ARHGAP24: variants seen among roughly 807,000 people sequenced by gnomAD.
The protein encoded by ARHGAP24 is Rho GTPase activating protein 24.
Under a neutral mutation model 76.4 loss-of-function variants are expected in ARHGAP24, and 50 were observed. The ratio of observed to expected loss-of-function variants is 0.65; its 90% CI spans 0.52 to 0.83. The LOEUF (loss-of-function observed/expected upper bound fraction) is 0.83, where lower values mean the gene tolerates loss of function less well. Ranked by LOEUF, ARHGAP24 falls within the 40% of genes least tolerant of loss-of-function variation. The pLI is 0.00. For synonymous variants in ARHGAP24, 345 were observed against 323.3 expected, an observed-to-expected ratio of 1.07 and a Z score of -0.72; for missense variants, 930 against 914.2, an observed-to-expected ratio of 1.02 and a Z score of -0.22.
intron 3 of ARHGAP24, among the ~76,000 whole-genome samples, chr4:85,894,096 TAATA>T (rs1450088422): frequency 1.4e-3 from 78 of 54,126 alleles, no homozygotes; most frequent in African/African-American, 3.6e-3. Flanking sequence ...ACTTAGAGTA[TAATA>T]AAAAAAAAAA....
intron 9 of ARHGAP24, among the ~76,000 whole-genome samples, chr4:85,996,650 G>A (rs892355113): frequency 6.6e-6 from 1 of 152,084 alleles, no homozygotes; most frequent in Non-Finnish European, 1.5e-5. Flanking sequence ...TTACTTCCTT[G>A]GAAAGTATTT....
intron 8 of ARHGAP24, among the ~76,000 whole-genome samples, chr4:85,979,696 T>C (rs995877171): frequency 6.6e-6 from 1 of 152,186 alleles, no homozygotes; most frequent in Non-Finnish European, 1.5e-5. Context: ...CATCTACTGC[T>C]TAGGAACCCA....
intron 2 of ARHGAP24, among the ~76,000 whole-genome samples, chr4:85,617,953 T>C (rs1578081444): frequency 2.0e-5 from 3 of 152,228 alleles, no homozygotes; most frequent in African/African-American, 7.2e-5. Flanking sequence ...ATCAAGCTAA[T>C]TAATACATCC....
chr4:85,904,697 A>C (rs1734680045), intron 3 of ARHGAP24, among the ~76,000 whole-genome samples: 1 of 152,254 alleles, frequency 6.6e-6, no homozygotes, highest in South Asian at 2.1e-4. Context: ...CAGAAATGAA[A>C]TACCAAGGAT....
chr4:85,827,961 G>A, intron 3 of ARHGAP24: 3 of 1,289,770 alleles, frequency 2.3e-6, no homozygotes, highest in Non-Finnish European at 2.0e-6. Flanking sequence ...CCACTGAAGT[G>A]TATGTTTGTG....
chr4:85,478,574 G>A (rs1722691764), intron 1 of ARHGAP24, among the ~76,000 whole-genome samples: 1 of 152,240 alleles, frequency 6.6e-6, no homozygotes, highest in Admixed American at 6.5e-5. Flanking sequence ...AGATCTAACT[G>A]TGTAAGTCTC....
chr4:85,488,063 C>T (rs1372456652), intron 1 of ARHGAP24, among the ~76,000 whole-genome samples: 5 of 150,556 alleles, frequency 3.3e-5, no homozygotes, highest in South Asian at 4.2e-4. Flanking sequence ...CCGGCCACCA[C>T]GCCCGGCTAA....
chr4:85,858,601 G>A (rs1240516852), intron 3 of ARHGAP24, among the ~76,000 whole-genome samples: 1 of 152,120 alleles, frequency 6.6e-6, no homozygotes, highest in African/African-American at 2.4e-5. Flanking sequence ...ACATTATCTG[G>A]TATGTTATGG....
At chr4:85,561,980 T>G (rs1301058245) in intron 1 of ARHGAP24, among the ~76,000 whole-genome samples, 1 of 152,174 alleles carries the variant, frequency 6.6e-6, no homozygotes, top group African/African-American at 2.4e-5. Context: ...GCATCTATAA[T>G]AAGGCAACAT....
intron 3 of ARHGAP24, among the ~76,000 whole-genome samples, chr4:85,775,454 G>C (rs1727278149): frequency 6.6e-6 from 1 of 152,170 alleles, no homozygotes; most frequent in African/African-American, 2.4e-5. Flanking sequence ...GAAGGTTAAA[G>C]GCACATCTTA....
intron 2 of ARHGAP24, among the ~76,000 whole-genome samples, chr4:85,675,076 G>A (rs1722931522): frequency 6.6e-6 from 1 of 152,158 alleles, no homozygotes; most frequent in Non-Finnish European, 1.5e-5. Context: ...TATAGGAGAG[G>A]ACACCTCTGG....
intron 3 of ARHGAP24, among the ~76,000 whole-genome samples, chr4:85,788,214 C>T (rs1330038330): frequency 1.3e-5 from 2 of 152,176 alleles, no homozygotes; most frequent in Admixed American, 6.5e-5. Context: ...ATGTAACTCT[C>T]TCTGTTCCTG....
intron 2 of ARHGAP24, among the ~76,000 whole-genome samples, chr4:85,612,119 C>CACACACACACACAG: frequency 7.2e-6 from 1 of 138,108 alleles, no homozygotes; most frequent in South Asian, 2.3e-4. Flanking sequence ...CACACACACA[C>CACACACACACACAG]ACAGACCAGT....
intron 2 of ARHGAP24, among the ~76,000 whole-genome samples, chr4:85,613,562 T>C (rs1296834159): frequency 6.6e-6 from 1 of 152,222 alleles, no homozygotes; most frequent in Non-Finnish European, 1.5e-5. Flanking sequence ...CCAACATTTC[T>C]GGGATCGCCA....
intron 5 of ARHGAP24, among the ~76,000 whole-genome samples, chr4:85,971,556 A>G (rs1560755214): frequency 6.6e-6 from 1 of 152,154 alleles, no homozygotes; most frequent in Non-Finnish European, 1.5e-5. Context: ...ACAGTCTGTA[A>G]TAATCACATC....
At chr4:85,908,674 G>A (rs1734907094) in intron 3 of ARHGAP24, among the ~76,000 whole-genome samples, 1 of 152,098 alleles carries the variant, frequency 6.6e-6, no homozygotes, top group African/African-American at 2.4e-5. Context: ...AGATTTTCCA[G>A]TCTAAGAGAC....
chr4:85,658,785 G>C (rs1722273476), intron 2 of ARHGAP24, among the ~76,000 whole-genome samples: 1 of 152,200 alleles, frequency 6.6e-6, no homozygotes, highest in African/African-American at 2.4e-5. Flanking sequence ...TGGCTGGTTT[G>C]TTGGGAATAG....
chr4:85,815,458 A>G (rs185547426), intron 3 of ARHGAP24, among the ~76,000 whole-genome samples: 116 of 152,282 alleles, frequency 7.6e-4, no homozygotes, highest in African/African-American at 2.6e-3. Context: ...ACCCTAAATC[A>G]TCTCTCTCGA....
At chr4:85,601,432 G>A (rs1161113528) in intron 2 of ARHGAP24, among the ~76,000 whole-genome samples, 2 of 152,100 alleles carry the variant, frequency 1.3e-5, no homozygotes. Flanking sequence ...TTGAAATAGG[G>A]ATTTTCAACT....
Sources: gnomAD v4.1 joint callset for allele counts (sites outside exome capture counted in the v4.1 genomes callset) on GRCh38, gnomAD v4.1.1 for gene constraint, MANE v1.5 for transcripts, NCBI Gene and HGNC (gene_info 2026-07-23, HGNC 2026-07-21) for gene names.